Variants in WASF2 observed in about 807,000 individuals in gnomAD.
WASF2 encodes the protein WASP family member 2.
Under a neutral mutation model 45.0 loss-of-function variants are expected in WASF2, and 14 were observed. The observed-to-expected ratio is 0.31, with a 90% CI of 0.21 to 0.49. WASF2 has a LOEUF of 0.49. WASF2 is among the 20% of genes least tolerant of loss of function. The pLI, the probability that WASF2 is intolerant of heterozygous loss-of-function variation, is 0.99. For missense variants in WASF2, 439 were observed against 636.1 expected (o/e 0.69, Z 3.33); for synonymous variants, 200 against 236.3 (o/e 0.85, Z 1.41).
intron 8 of WASF2, among the ~76,000 whole-genome samples, chr1:27,409,452 A>AAAAAGAAAAG (rs1557594403): frequency 6.8e-6 from 1 of 146,270 alleles, no homozygotes; most frequent in African/African-American, 2.7e-5. Flanking sequence ...AAAAAAAAAA[A>AAAAAGAAAAG]AAAAGAAAAG....
intron 1 of WASF2, among the ~76,000 whole-genome samples, chr1:27,474,754 A>G (rs1365664652): frequency 1.3e-5 from 2 of 151,912 alleles, no homozygotes; most frequent in African/African-American, 4.8e-5. Flanking sequence ...CTTGGGCAAC[A>G]GAGCGAGACT....
At chr1:27,471,508 G>T (rs1482376800) in intron 1 of WASF2, among the ~76,000 whole-genome samples, 2 of 151,922 alleles carry the variant, frequency 1.3e-5, no homozygotes, top group African/African-American at 4.8e-5. Flanking sequence ...TACATCTGTG[G>T]TCCCAGCTAC....
At chr1:27,437,998 A>G (rs2017159438) in intron 1 of WASF2, among the ~76,000 whole-genome samples, 1 of 152,218 alleles carries the variant, frequency 6.6e-6, no homozygotes, top group South Asian at 2.1e-4. Flanking sequence ...TACCCTTCAT[A>G]TTTAAACGAT....
chr1:27,418,767 T>G (rs561513172), intron 3 of WASF2, among the ~76,000 whole-genome samples, 187 bp downstream of exon 3: 59 of 150,948 alleles, frequency 3.9e-4, no homozygotes, highest in African/African-American at 1.4e-3. Context: ...GAGAAAGGAG[T>G]GCATGGGGGT....
At chr1:27,433,180 T>A (rs368765013) in intron 1 of WASF2, among the ~76,000 whole-genome samples, 1 of 152,088 alleles carries the variant, frequency 6.6e-6, no homozygotes, top group East Asian at 1.9e-4. Flanking sequence ...ATTTGGCAGG[T>A]TTTTCCTGGA....
intron 1 of WASF2, among the ~76,000 whole-genome samples, chr1:27,453,241 T>C (rs2017409644): frequency 6.6e-6 from 1 of 151,828 alleles, no homozygotes; most frequent in Admixed American, 6.6e-5. Flanking sequence ...ATTAAAAATA[T>C]ATGTAAACTC....
intron 1 of WASF2, among the ~76,000 whole-genome samples, chr1:27,442,175 T>C (rs1210661347): frequency 1.3e-5 from 2 of 151,670 alleles, no homozygotes; most frequent in African/African-American, 4.8e-5. Flanking sequence ...AGAAAGACCC[T>C]ATCTTTACAA....
chr1:27,431,131 CT>C (rs2017057693), intron 1 of WASF2, among the ~76,000 whole-genome samples: 1 of 152,232 alleles, frequency 6.6e-6, no homozygotes, highest in Non-Finnish European at 1.5e-5. Context: ...TTGCTTATAA[CT>C]TTGAACCTCC....
chr1:27,471,604 G>A (rs1296976467), intron 1 of WASF2, among the ~76,000 whole-genome samples: 2 of 151,984 alleles, frequency 1.3e-5, no homozygotes, highest in Non-Finnish European at 2.9e-5. Flanking sequence ...CTGCAGCCTG[G>A]CCAACAGCGC....
intron 1 of WASF2, among the ~76,000 whole-genome samples, chr1:27,467,475 G>T (rs1318170005): frequency 6.7e-6 from 1 of 149,676 alleles, no homozygotes; most frequent in African/African-American, 2.4e-5. Context: ...TAACTTTTTG[G>T]ATTTTTTAGT....
chr1:27,453,186 C>A (rs1258326358), intron 1 of WASF2, among the ~76,000 whole-genome samples: 1 of 151,514 alleles, frequency 6.6e-6, no homozygotes, highest in Non-Finnish European at 1.5e-5. Context: ...GCCTGAGTGA[C>A]AGAATGGGAC....
intron 1 of WASF2, among the ~76,000 whole-genome samples, chr1:27,486,072 G>C (rs867194922): frequency 2.0e-5 from 3 of 152,156 alleles, no homozygotes; most frequent in Non-Finnish European, 2.9e-5. Context: ...AAATGCAAAG[G>C]CTGTGAAAAA....
chr1:27,415,366 A>C (rs1167281991), intron 5 of WASF2, among the ~76,000 whole-genome samples: 1 of 152,142 alleles, frequency 6.6e-6, no homozygotes, highest in Non-Finnish European at 1.5e-5. Context: ...AGTTTAAACA[A>C]AACAAAACAA....
chr1:27,450,783 G>A (rs1240549680), intron 1 of WASF2, among the ~76,000 whole-genome samples: 1 of 151,940 alleles, frequency 6.6e-6, no homozygotes, highest in Non-Finnish European at 1.5e-5. Context: ...ACAGGTGTGA[G>A]CCATCGCACC....
intron 2 of WASF2, among the ~76,000 whole-genome samples, chr1:27,423,254 A>G (rs576192307): frequency 6.6e-6 from 1 of 151,882 alleles, no homozygotes; most frequent in African/African-American, 2.4e-5. Context: ...CTGGAATGCA[A>G]TGGCACAATC....
chr1:27,441,262 G>A (rs1056617589), intron 1 of WASF2, among the ~76,000 whole-genome samples: 1 of 152,096 alleles, frequency 6.6e-6, no homozygotes, highest in Non-Finnish European at 1.5e-5. Context: ...GGAGGCCAAG[G>A]TGGGAGGATC....
intron 6 of WASF2, 133 bp from the exon 7 acceptor site, chr1:27,412,860 T>C: frequency 2.1e-6 from 2 of 974,608 alleles, no homozygotes; most frequent in Non-Finnish European, 3.1e-6. Flanking sequence ...ATTTCCCACA[T>C]ATTTTCTGTT....
chr1:27,482,002 T>C (rs1051869600), intron 1 of WASF2, among the ~76,000 whole-genome samples: 1 of 152,254 alleles, frequency 6.6e-6, no homozygotes, highest in African/African-American at 2.4e-5. Context: ...TTCTTCTCTT[T>C]TCTAATTCAA....
intron 1 of WASF2, among the ~76,000 whole-genome samples, chr1:27,476,644 T>C (rs1265076543): frequency 3.9e-5 from 6 of 152,086 alleles, no homozygotes; most frequent in African/African-American, 1.4e-4. Flanking sequence ...GTAGACTATT[T>C]TTCCCCCAGA....
Sources: gnomAD v4.1 joint callset for allele counts (sites outside exome capture counted in the v4.1 genomes callset) on GRCh38, gnomAD v4.1.1 for gene constraint, MANE v1.5 for transcripts, NCBI Gene and HGNC (gene_info 2026-07-23, HGNC 2026-07-21) for gene names.